ERBB4: variants seen among roughly 807,000 people sequenced by gnomAD.
The protein encoded by ERBB4 is erb-b2 receptor tyrosine kinase 4.
ERBB4 carries 42 observed loss-of-function variants against 158.0 expected under a neutral mutation model. That is an observed-to-expected ratio of 0.27 (90% CI 0.21 to 0.34). The LOEUF is 0.34. ERBB4 is among the 10% of genes least tolerant of loss of function. The probability of loss-of-function intolerance (pLI) is 1.00; values close to 1 mark genes in which losing one functional copy is unlikely to be tolerated. For synonymous variants in ERBB4, 583 were observed against 558.7 expected (o/e 1.04, Z -0.61); for missense variants, 1,333 against 1,624.1 (o/e 0.82, Z 3.08).
intron 3 of ERBB4, among the ~76,000 whole-genome samples, chr2:211,803,148 C>G (rs1229782696): frequency 1.3e-5 from 2 of 152,106 alleles, no homozygotes; most frequent in Non-Finnish European, 2.9e-5. Flanking sequence ...GTGGCAAATG[C>G]CTATTAATAA....
At chr2:211,966,844 A>T (rs1199118353) in intron 2 of ERBB4, among the ~76,000 whole-genome samples, 1 of 152,140 alleles carries the variant, frequency 6.6e-6, no homozygotes, top group East Asian at 1.9e-4. Context: ...GCCCATGGAG[A>T]TAAGGTAAAT....
At chr2:211,655,707 A>G (rs899943742) in intron 16 of ERBB4, among the ~76,000 whole-genome samples, 10 of 152,230 alleles carry the variant, frequency 6.6e-5, no homozygotes, top group Non-Finnish European at 1.5e-4. Context: ...AATTTCTTTC[A>G]TAAATATAGG....
intron 25 of ERBB4, among the ~76,000 whole-genome samples, chr2:211,400,439 A>T (rs964744780): frequency 3.3e-5 from 5 of 152,170 alleles, no homozygotes; most frequent in Non-Finnish European, 7.4e-5. Flanking sequence ...GTATTTGCAC[A>T]GTGACATGAT....
chr2:211,728,883 T>A (rs1415499685), intron 5 of ERBB4, among the ~76,000 whole-genome samples: 1 of 151,830 alleles, frequency 6.6e-6, no homozygotes, highest in Non-Finnish European at 1.5e-5. Context: ...AGAAAATTAA[T>A]GTAGAAAATA....
intron 20 of ERBB4, among the ~76,000 whole-genome samples, chr2:211,516,501 T>C (rs2066038164): frequency 2.0e-5 from 3 of 151,908 alleles, no homozygotes; most frequent in Admixed American, 2.0e-4. Flanking sequence ...GACTGTCTAA[T>C]TTTTATAATT....
chr2:211,897,160 AT>A (rs2079118624), intron 3 of ERBB4, among the ~76,000 whole-genome samples: 1 of 151,434 alleles, frequency 6.6e-6, no homozygotes, highest in Admixed American at 6.6e-5. Flanking sequence ...CTAAAGAAAA[AT>A]ATCATAAAAA....
chr2:211,678,318 C>CAAA (rs60505220), intron 13 of ERBB4, among the ~76,000 whole-genome samples: 1 of 144,360 alleles, frequency 6.9e-6, no homozygotes, highest in Non-Finnish European at 1.5e-5. Flanking sequence ...AACAAACAAA[C>CAAA]AAAAAAAAAA....
At chr2:211,823,316 A>G (rs528345872) in intron 3 of ERBB4, among the ~76,000 whole-genome samples, 1 of 152,046 alleles carries the variant, frequency 6.6e-6, no homozygotes, top group South Asian at 2.1e-4. Context: ...TTGCTAGTGT[A>G]TGTGGGTTTT....
chr2:211,855,213 AT>A (rs1052192422), intron 3 of ERBB4, among the ~76,000 whole-genome samples: 2 of 152,120 alleles, frequency 1.3e-5, no homozygotes, highest in Non-Finnish European at 1.5e-5. Context: ...GCCTTAAGGA[AT>A]TGTAGAATTC....
intron 12 of ERBB4, among the ~76,000 whole-genome samples, chr2:211,682,255 C>A (rs2072377257): frequency 6.6e-6 from 1 of 152,186 alleles, no homozygotes; most frequent in Middle Eastern, 3.4e-3. Flanking sequence ...GCCTAAGAAC[C>A]AGAAGCATCA....
intron 1 of ERBB4, among the ~76,000 whole-genome samples, chr2:212,318,767 C>CTTTA (rs1403529966): frequency 6.6e-6 from 1 of 151,540 alleles, no homozygotes; most frequent in Admixed American, 6.6e-5. Flanking sequence ...TGTGGTTTTG[C>CTTTA]TTAAAAGGCT....
At chr2:212,058,549 C>T (rs1198792431) in intron 2 of ERBB4, among the ~76,000 whole-genome samples, 1 of 152,154 alleles carries the variant, frequency 6.6e-6, no homozygotes, top group Non-Finnish European at 1.5e-5. Context: ...CAATAAAATA[C>T]TGGCAAACTG....
chr2:211,810,377 T>C (rs1450457230), intron 3 of ERBB4, among the ~76,000 whole-genome samples: 1 of 152,194 alleles, frequency 6.6e-6, no homozygotes, highest in Non-Finnish European at 1.5e-5. Flanking sequence ...GGTAATCCTG[T>C]ATTGGGTGCA....
chr2:211,761,463 T>TC (rs1183440251), intron 4 of ERBB4, among the ~76,000 whole-genome samples: 1 of 152,198 alleles, frequency 6.6e-6, no homozygotes, highest in East Asian at 1.9e-4. Flanking sequence ...AATTATTTTT[T>TC]CTTTTTTTTT....
At chr2:211,492,640 A>G (rs2065373290) in intron 20 of ERBB4, among the ~76,000 whole-genome samples, 1 of 152,100 alleles carries the variant, frequency 6.6e-6, no homozygotes, top group South Asian at 2.1e-4. Flanking sequence ...GCACAACAAC[A>G]ATTTTAAAAA....
chr2:211,942,939 G>C (rs1339857068), intron 3 of ERBB4, among the ~76,000 whole-genome samples: 3 of 152,042 alleles, frequency 2.0e-5, no homozygotes, highest in Admixed American at 2.0e-4. Context: ...TGCATATCAA[G>C]ATGAAACCAC....
chr2:212,381,266 GT>G (rs1201312468), intron 1 of ERBB4, among the ~76,000 whole-genome samples: 1 of 151,144 alleles, frequency 6.6e-6, no homozygotes, highest in Non-Finnish European at 1.5e-5. Flanking sequence ...AAAGTCAAAG[GT>G]TGGCTCAAAA....
At chr2:212,266,677 G>T (rs144090995) in intron 1 of ERBB4, among the ~76,000 whole-genome samples, 1 of 151,744 alleles carries the variant, frequency 6.6e-6, no homozygotes, top group African/African-American at 2.4e-5. Flanking sequence ...TTGGTGACAG[G>T]ATTATTATTA....
chr2:212,496,399 A>G (rs941353452), intron 1 of ERBB4, among the ~76,000 whole-genome samples: 14 of 152,170 alleles, frequency 9.2e-5, no homozygotes, highest in Admixed American at 7.9e-4. Flanking sequence ...TGGATCTTCA[A>G]TGGATCACAC....
Sources: allele counts gnomAD v4.1 joint callset (sites outside exome capture counted in the v4.1 genomes callset), GRCh38; gene constraint gnomAD v4.1.1; transcripts MANE v1.5; gene names NCBI Gene and HGNC (gene_info 2026-07-23, HGNC 2026-07-21).